The following CACNA2D3 variants were observed in gnomAD, a reference collection of about 807,000 sequenced individuals.
The protein encoded by CACNA2D3 is voltage-dependent calcium channel subunit alpha-2/delta-3.
Under a neutral mutation model 160.6 loss-of-function variants are expected in CACNA2D3, and 60 were observed. The ratio of observed to expected loss-of-function variants is 0.37; its 90% confidence interval spans 0.30 to 0.46. CACNA2D3 has a LOEUF of 0.46. Ranked by LOEUF, CACNA2D3 falls within the 20% of genes least tolerant of loss-of-function variation. The pLI, the probability that CACNA2D3 is intolerant of heterozygous loss-of-function variation, is 1.00. For missense variants in CACNA2D3, 1,205 were observed against 1,365.0 expected, an observed-to-expected ratio of 0.88 and a Z score of 1.85; for synonymous variants, 558 against 492.9, an observed-to-expected ratio of 1.13 and a Z score of -1.75.
At chr3:54,659,509 A>G (rs1372651811) in intron 11 of CACNA2D3, among the ~76,000 whole-genome samples, 4 of 152,128 alleles carry the variant, frequency 2.6e-5, no homozygotes, top group Admixed American at 1.3e-4. Context: ...CCTCCTCTGA[A>G]TCTCTGGGGG....
At position 55,028,234 on chromosome 3, in the gene CACNA2D3, A is replaced by T. The variant is rs543508650; in HGVS notation, c.2987+9917A>T. Reference sequence around the variant, plus strand: ...AAGTGGACATTTGTATGTCTATAGCATAGACAGATCTGTTATAACATACAG... The same window carrying T: ...AAGTGGACATTTGTATGTCTATAGCTTAGACAGATCTGTTATAACATACAG... On this transcript the variant is annotated intron_variant, in intron 35 of 37. Coordinates refer to ENST00000474759, the MANE Select transcript of CACNA2D3 (RefSeq NM_018398.3). Among the ~76,000 whole-genome samples the T allele has an allele frequency of 1.5e-4, 23 of 152,342 alleles. No individual in the cohort carries two copies. The South Asian group carries it at 4.8e-3, about 32-fold the overall frequency.
At chr3:54,747,804 T>C (rs558602587) in intron 11 of CACNA2D3, among the ~76,000 whole-genome samples, 1 of 152,302 alleles carries the variant, frequency 6.6e-6, no homozygotes, top group African/African-American at 2.4e-5. Flanking sequence ...CCACTCCATT[T>C]TGTCTAGATC....
In CACNA2D3 at chr3:54,353,538, C is replaced by T. The variant is rs572706208; in HGVS notation, c.321+32980C>T. Among the ~76,000 whole-genome samples the T allele has an allele frequency of 1.1e-4, 17 of 152,168 alleles. No homozygotes were observed. In the South Asian group the frequency reaches 2.9e-3, roughly 26 times the overall value. On this transcript the variant is annotated intron_variant, in intron 3 of 37. Coordinates refer to ENST00000474759, the MANE Select transcript of CACNA2D3 (RefSeq NM_018398.3). ...TATCATTGGAGTTTGGGAACCACAT[C>T]TCTAAAGCAAGGCATTCTGATGAGT... is the stretch of plus-strand genomic sequence containing the variant.
intron 2 of CACNA2D3, among the ~76,000 whole-genome samples, chr3:54,139,011 G>T: frequency 6.6e-6 from 1 of 152,208 alleles, no homozygotes; most frequent in East Asian, 1.9e-4. Flanking sequence ...CTGGCCTGGG[G>T]TCTGGACGTC....
At chr3:54,831,236 C>T (rs1297426511) in intron 14 of CACNA2D3, among the ~76,000 whole-genome samples, 1 of 152,186 alleles carries the variant, frequency 6.6e-6, no homozygotes, top group Non-Finnish European at 1.5e-5. Context: ...GCAGGCGGCT[C>T]CGCTGAAAAC....
rs1040516702 is a variant in CACNA2D3 at position 54,846,407 on chromosome 3, T to C, written c.1566T>C (p.Gly522=). Reference sequence around the variant, plus strand: ...TCCTCTTACAGTTAGGGATTCACGGTTATGCCTTTGCAATCACAAATAATG... The same window carrying C: ...TCCTCTTACAGTTAGGGATTCACGGCTATGCCTTTGCAATCACAAATAATG... ...TIPKYKLGIH[G]YAFAITNNGY... The change falls in exon 17 of 38, where the codon GGT becomes GGC. Residue 522 remains glycine (G), a synonymous_variant. Coordinates refer to ENST00000474759, the MANE Select transcript of CACNA2D3 (RefSeq NM_018398.3). The C allele has an allele frequency of 1.2e-6, 2 of 1,606,218 alleles. No homozygotes were observed. Among genetic ancestry groups the C allele is most frequent in the Non-Finnish European group, 1.7e-6 (2 of 1,175,754 alleles).
intron 27 of CACNA2D3, among the ~76,000 whole-genome samples, chr3:54,921,395 T>A (rs1700846428): frequency 6.6e-6 from 1 of 152,120 alleles, no homozygotes. Flanking sequence ...AATACCTAGC[T>A]CAGAGTAAAT....
chr3:55,065,380 C>T (rs1470972969), intron 35 of CACNA2D3, among the ~76,000 whole-genome samples: 3 of 152,296 alleles, frequency 2.0e-5, no homozygotes, highest in Middle Eastern at 3.4e-3. Flanking sequence ...CCTACCCCAA[C>T]CCCCTACTCC....
chr3:54,165,256 C>A (rs1233372235), intron 2 of CACNA2D3, among the ~76,000 whole-genome samples: 1 of 151,290 alleles, frequency 6.6e-6, no homozygotes, highest in African/African-American at 2.4e-5. Flanking sequence ...CCCATTGTTA[C>A]AACCCAAATG....
At chr3:54,470,491 T>A (rs1700711219) in intron 4 of CACNA2D3, among the ~76,000 whole-genome samples, 1 of 152,204 alleles carries the variant, frequency 6.6e-6, no homozygotes, top group Admixed American at 6.5e-5. Flanking sequence ...TACCCAGTTG[T>A]AAAGACTATC....
chr3:54,979,369 T>A (rs938555814), intron 29 of CACNA2D3, among the ~76,000 whole-genome samples: 3 of 152,240 alleles, frequency 2.0e-5, no homozygotes, highest in African/African-American at 7.2e-5. Flanking sequence ...TCCAGTTGTA[T>A]CCTATTACAA....
intron 2 of CACNA2D3, among the ~76,000 whole-genome samples, chr3:54,133,394 C>T (rs1349942263): frequency 1.3e-5 from 2 of 152,184 alleles, no homozygotes; most frequent in African/African-American, 4.8e-5. Flanking sequence ...ATGTGAATCC[C>T]AGTTCAGGTG....
At chr3:54,843,325 G>A (rs1157480495) in intron 16 of CACNA2D3, among the ~76,000 whole-genome samples, 2 of 152,200 alleles carry the variant, frequency 1.3e-5, no homozygotes, top group South Asian at 2.1e-4. Context: ...ACAAAGCAAA[G>A]TGCAGGTCAG....
At position 54,289,434 on chromosome 3, in the gene CACNA2D3, C is replaced by T. The variant is rs1703124017; in HGVS notation, c.205-31008C>T. Among the ~76,000 whole-genome samples, 4 of 152,116 alleles carry T rather than the reference C, an allele frequency of 2.6e-5. No homozygotes were observed. In the South Asian group the frequency reaches 8.3e-4, roughly 32 times the overall value. On this transcript the variant is annotated intron_variant, in intron 2 of 37. Coordinates refer to ENST00000474759, the MANE Select transcript of CACNA2D3 (RefSeq NM_018398.3). ...GATACAAAGAAATGGAAGAACATTC[C>T]ATGCTCATGGGTAGGAAGAATCAAT... is the stretch of plus-strand genomic sequence containing the variant.
intron 31 of CACNA2D3, among the ~76,000 whole-genome samples, chr3:54,991,807 A>G (rs533515033): frequency 1.8e-3 from 279 of 152,240 alleles, no homozygotes; most frequent in African/African-American, 6.4e-3. Context: ...AGGGATCTCA[A>G]TGGATTTTCT....
At chr3:54,738,256 C>G (rs1342388258) in intron 11 of CACNA2D3, among the ~76,000 whole-genome samples, 41 of 152,144 alleles carry the variant, frequency 2.7e-4, no homozygotes, top group Admixed American at 2.7e-3. Flanking sequence ...GGCAGATAAT[C>G]TGGCTTCTCT....
chr3:54,659,722 T>C (rs1436688480), intron 11 of CACNA2D3, among the ~76,000 whole-genome samples: 2 of 152,210 alleles, frequency 1.3e-5, no homozygotes, highest in African/African-American at 4.8e-5. Flanking sequence ...AGAATTTCCT[T>C]GCACCTTGAA....
At chr3:54,343,688 T>C (rs7428931) in intron 3 of CACNA2D3, among the ~76,000 whole-genome samples, 27,335 of 152,086 alleles carry the variant, frequency 0.18, 2,867 homozygotes, top group African/African-American at 0.27. Context: ...GGATTACAGG[T>C]ATGAGCCACC....
At chr3:55,055,245 C>A (rs573358707) in intron 35 of CACNA2D3, among the ~76,000 whole-genome samples, 11 of 152,048 alleles carry the variant, frequency 7.2e-5, no homozygotes, top group Admixed American at 4.6e-4. Context: ...ACATAATGTG[C>A]GATAAGGTCC....
Sources: gnomAD v4.1 joint callset for allele counts (sites outside exome capture counted in the v4.1 genomes callset) on GRCh38, gnomAD v4.1.1 for gene constraint, MANE v1.5 for transcripts, NCBI Gene and HGNC (gene_info 2026-07-23, HGNC 2026-07-21) for gene names.